Variants in PTPRD observed in about 807,000 individuals in gnomAD.
The protein encoded by PTPRD is protein tyrosine phosphatase receptor type D.
PTPRD carries 34 observed loss-of-function variants against 214.5 expected under a neutral mutation model. The ratio of observed to expected loss-of-function variants is 0.16; its 90% CI spans 0.12 to 0.21. The LOEUF (loss-of-function observed/expected upper bound fraction) is 0.21, where lower values mean the gene tolerates loss of function less well. Ranked by LOEUF, PTPRD falls within the 10% of genes least tolerant of loss-of-function variation. The pLI, the probability that PTPRD is intolerant of heterozygous loss-of-function variation, is 1.00. For missense variants in PTPRD, 2,545 were observed against 2,398.7 expected, an observed-to-expected ratio of 1.06 and a Z score of -1.27; for synonymous variants, 1,128 against 845.7, an observed-to-expected ratio of 1.33 and a Z score of -5.79.
At chr9:10,523,620 T>TAGAGAGAGAGAGAGAGAGAGAG (rs749067548) in intron 2 of PTPRD, among the ~76,000 whole-genome samples, 3 of 128,614 alleles carry the variant, frequency 2.3e-5, no homozygotes, top group Non-Finnish European at 1.6e-5. Flanking sequence ...TATATATATA[T>TAGAGAGAGAGAGAGAGAGAGAG]ATAGACAGAA....
intron 39 of PTPRD, among the ~76,000 whole-genome samples, chr9:8,360,009 G>C (rs1327906269): frequency 6.6e-6 from 1 of 152,200 alleles, no homozygotes; most frequent in Non-Finnish European, 1.5e-5. Flanking sequence ...TCTCCAGGTT[G>C]TCTGTGGCTC....
At chr9:10,184,014 G>T (rs560103929) in intron 3 of PTPRD, among the ~76,000 whole-genome samples, 33 of 152,218 alleles carry the variant, frequency 2.2e-4, no homozygotes, top group African/African-American at 7.0e-4. Flanking sequence ...TCACATGCAC[G>T]TATACATCTC....
At chr9:8,622,040 T>C (rs1373057364) in intron 14 of PTPRD, among the ~76,000 whole-genome samples, 2 of 151,908 alleles carry the variant, frequency 1.3e-5, no homozygotes, top group Admixed American at 6.6e-5. Flanking sequence ...TTAAGACATT[T>C]TACCAGTACA....
At chr9:8,422,511 C>T (rs764110186) in intron 35 of PTPRD, among the ~76,000 whole-genome samples, 3 of 152,108 alleles carry the variant, frequency 2.0e-5, no homozygotes, top group South Asian at 2.1e-4. Context: ...GAGACTTCAG[C>T]CACGTCACTT....
intron 10 of PTPRD, among the ~76,000 whole-genome samples, chr9:9,064,592 A>T (rs2099721405): frequency 6.6e-6 from 1 of 152,218 alleles, no homozygotes; most frequent in Non-Finnish European, 1.5e-5. Context: ...AAAAAAGTCC[A>T]TTATATTCAA....
At chr9:9,652,050 C>G (rs1242872583) in intron 7 of PTPRD, among the ~76,000 whole-genome samples, 1 of 151,710 alleles carries the variant, frequency 6.6e-6, no homozygotes, top group Non-Finnish European at 1.5e-5. Context: ...ACCATGTTAG[C>G]CAGGATGGGC....
chr9:10,467,595 T>C (rs2099003200), intron 2 of PTPRD, among the ~76,000 whole-genome samples: 1 of 152,138 alleles, frequency 6.6e-6, no homozygotes, highest in African/African-American at 2.4e-5. Context: ...TGTACATGTG[T>C]GATAGTTGTG....
At chr9:10,182,259 CAAAAAAAA>C (rs3075574) in intron 3 of PTPRD, among the ~76,000 whole-genome samples, 3 of 54,442 alleles carry the variant, frequency 5.5e-5, no homozygotes, top group African/African-American at 8.0e-5. Flanking sequence ...GACTCTGCCT[CAAAAAAAA>C]AAAAAAAAAA....
At chr9:9,367,953 T>G (rs1233650932) in intron 9 of PTPRD, among the ~76,000 whole-genome samples, 2 of 151,730 alleles carry the variant, frequency 1.3e-5, no homozygotes, top group African/African-American at 4.8e-5. Flanking sequence ...ATAGGTCATA[T>G]GAGGAACAAC....
At chr9:8,721,363 G>C (rs1295922348) in intron 12 of PTPRD, among the ~76,000 whole-genome samples, 1 of 149,530 alleles carries the variant, frequency 6.7e-6, no homozygotes, top group African/African-American at 2.5e-5. Flanking sequence ...CTAGGAGTCA[G>C]AGGTTGCAGT....
At chr9:10,502,073 T>C (rs896748023) in intron 2 of PTPRD, among the ~76,000 whole-genome samples, 9 of 151,872 alleles carry the variant, frequency 5.9e-5, no homozygotes, top group African/African-American at 2.2e-4. Context: ...GAAAATAGTG[T>C]GCTATTGTGA....
chr9:8,551,567 T>C (rs2082117839), intron 14 of PTPRD, among the ~76,000 whole-genome samples: 1 of 152,218 alleles, frequency 6.6e-6, no homozygotes, highest in African/African-American at 2.4e-5. Context: ...ATACAATTTT[T>C]CAGGAGCCTG....
In PTPRD at chr9:9,374,823, A is replaced by T. The variant is rs546980381; in HGVS notation, c.-203+22626T>A. Among the ~76,000 whole-genome samples the T allele has an allele frequency of 4.6e-5, 7 of 152,314 alleles. No individual in the cohort carries two copies. The East Asian group carries it at 1.4e-3, about 29-fold the overall frequency. On this transcript the variant is annotated intron_variant, in intron 9 of 45. Coordinates refer to ENST00000381196, the MANE Select transcript of PTPRD (RefSeq NM_002839.4). ...TGAAACATCACCATTTTCATCTTTC[A>T]AGTCTCCTAAATGCTCTCATGGTCT...
intron 44 of PTPRD, among the ~76,000 whole-genome samples, chr9:8,325,755 T>C (rs923603931): frequency 1.3e-4 from 20 of 152,240 alleles, no homozygotes; most frequent in Non-Finnish European, 2.1e-4. Context: ...TCTTGTTTCA[T>C]TGAACAGTGG....
chr9:9,946,910 A>C (rs371110554), intron 4 of PTPRD, among the ~76,000 whole-genome samples: 7 of 152,176 alleles, frequency 4.6e-5, no homozygotes, highest in African/African-American at 1.7e-4. Flanking sequence ...ATTTGCTGAC[A>C]CATTATCATT....
intron 7 of PTPRD, among the ~76,000 whole-genome samples, chr9:9,616,583 G>C (rs184850657): frequency 6.6e-6 from 1 of 152,070 alleles, no homozygotes. Context: ...CATGACTTCT[G>C]ATCTTATTCG....
chr9:10,192,627 C>T (rs935281889), intron 3 of PTPRD, among the ~76,000 whole-genome samples: 1 of 152,000 alleles, frequency 6.6e-6, no homozygotes, highest in Admixed American at 6.6e-5. Context: ...GTAAGATTTA[C>T]ATAGGAAGAC....
intron 7 of PTPRD, among the ~76,000 whole-genome samples, chr9:9,657,902 G>T (rs150627672): frequency 6.6e-6 from 1 of 152,200 alleles, no homozygotes; most frequent in Non-Finnish European, 1.5e-5. Context: ...TTTTCCCCCC[G>T]ACCTAAAGAG....
At chr9:10,291,378 T>C (rs1456166186) in intron 3 of PTPRD, among the ~76,000 whole-genome samples, 1 of 152,158 alleles carries the variant, frequency 6.6e-6, no homozygotes, top group Admixed American at 6.6e-5. Flanking sequence ...AATGTTTGAA[T>C]GTTGCCTTAT....
Sources: gnomAD v4.1 joint callset for allele counts (sites outside exome capture counted in the v4.1 genomes callset) on GRCh38, gnomAD v4.1.1 for gene constraint, MANE v1.5 for transcripts, NCBI Gene and HGNC (gene_info 2026-07-23, HGNC 2026-07-21) for gene names.